Variants in CSMD1 observed in about 807,000 individuals in gnomAD.
CSMD1 encodes the protein CUB and sushi domain-containing protein 1.
In CSMD1, 213 loss-of-function variants were observed where a neutral mutation model predicts 417.5. The observed-to-expected ratio is 0.51, with a 90% CI of 0.46 to 0.57. The LOEUF (loss-of-function observed/expected upper bound fraction) is 0.57, where lower values mean the gene tolerates loss of function less well. Ranked by LOEUF, CSMD1 falls within the 20% of genes least tolerant of loss-of-function variation. The pLI, the probability that CSMD1 is intolerant of heterozygous loss-of-function variation, is 0.00. For synonymous variants in CSMD1, 2,862 were observed against 1,736.8 expected (o/e 1.65, Z -16.11); for missense variants, 6,923 against 4,529.7 (o/e 1.53, Z -15.17).
chr8:3,925,799 G>C (rs900366766), intron 5 of CSMD1, among the ~76,000 whole-genome samples: 12 of 152,018 alleles, frequency 7.9e-5, no homozygotes, highest in Non-Finnish European at 1.5e-4. Context: ...TTTTGGGTAT[G>C]TCTTTATCAG....
intron 2 of CSMD1, among the ~76,000 whole-genome samples, chr8:4,563,530 A>T (rs1263388600): frequency 3.3e-5 from 5 of 152,134 alleles, no homozygotes; most frequent in African/African-American, 9.7e-5. Context: ...CCACGCACTG[A>T]TACTCCTCAC....
intron 25 of CSMD1, among the ~76,000 whole-genome samples, chr8:3,286,471 C>T (rs1177371972): frequency 3.9e-5 from 6 of 152,194 alleles, no homozygotes; most frequent in South Asian, 2.1e-4. Flanking sequence ...TATTTCTCCA[C>T]ATCCTCTCCA....
chr8:3,807,908 A>G (rs1004168190), intron 5 of CSMD1, among the ~76,000 whole-genome samples: 2 of 152,206 alleles, frequency 1.3e-5, no homozygotes, highest in South Asian at 2.1e-4. Context: ...AAGTAATCAC[A>G]TAGAAAAAAT....
At chr8:3,899,974 T>C (rs989364706) in intron 5 of CSMD1, among the ~76,000 whole-genome samples, 11 of 152,252 alleles carry the variant, frequency 7.2e-5, no homozygotes, top group Admixed American at 7.2e-4. Flanking sequence ...TCCACTGGGC[T>C]TGTTGAGCTG....
At position 4,703,611 on chromosome 8, in the gene CSMD1, A is replaced by C. The variant is rs1278749187; in HGVS notation, c.86-66053T>G. ...CACTTTGGTGTTAAGGAAATATTTC[A>C]ATTTTTCCCAAACTGGGGATTTCTA... On this transcript the variant is annotated intron_variant, in intron 1 of 69. Coordinates refer to ENST00000635120, the MANE Select transcript of CSMD1 (RefSeq NM_033225.6). 2.6e-5 allele frequency among the ~76,000 whole-genome samples: 4 copies of C among 152,202 alleles called. No individual in the cohort carries two copies. In the East Asian group the frequency reaches 5.8e-4, roughly 22 times the overall value.
chr8:3,941,511 T>A (rs969671626), intron 5 of CSMD1, among the ~76,000 whole-genome samples: 4 of 152,338 alleles, frequency 2.6e-5, no homozygotes, highest in South Asian at 2.1e-4. Context: ...GAGCTTTGAT[T>A]TAAATGTGCT....
chr8:4,439,147 G>A (rs1385929138), intron 2 of CSMD1, among the ~76,000 whole-genome samples: 2 of 152,062 alleles, frequency 1.3e-5, no homozygotes, highest in African/African-American at 4.8e-5. Context: ...CCTTGTTACT[G>A]CTGTGGTAAA....
intron 1 of CSMD1, among the ~76,000 whole-genome samples, chr8:4,716,621 C>G (rs1049189685): frequency 2.0e-5 from 3 of 152,174 alleles, no homozygotes; most frequent in African/African-American, 7.2e-5. Flanking sequence ...TGGATTAACA[C>G]AGGTCTCCCG....
At chr8:3,653,756 C>A (rs1384196) in intron 7 of CSMD1, among the ~76,000 whole-genome samples, 2,395 of 152,190 alleles carry the variant, frequency 0.016, 64 homozygotes, top group East Asian at 0.094. Flanking sequence ...ATGGCTGTTA[C>A]ACAGTGGGTC....
intron 50 of CSMD1, among the ~76,000 whole-genome samples, chr8:3,034,549 A>C (rs1370031268): frequency 6.6e-6 from 1 of 152,212 alleles, no homozygotes; most frequent in East Asian, 1.9e-4. Flanking sequence ...AAAACACATA[A>C]ATATATGTAC....
intron 7 of CSMD1, among the ~76,000 whole-genome samples, chr8:3,642,307 G>C (rs1345100968): frequency 6.6e-6 from 1 of 152,270 alleles, no homozygotes; most frequent in African/African-American, 2.4e-5. Flanking sequence ...ATCAGAAAGA[G>C]TGAAAAGAAC....
At chr8:4,673,664 C>A (rs959557714) in intron 1 of CSMD1, among the ~76,000 whole-genome samples, 1 of 152,178 alleles carries the variant, frequency 6.6e-6, no homozygotes, top group African/African-American at 2.4e-5. Context: ...TACATCAACT[C>A]TGCTAATGCT....
chr8:4,913,704 T>C (rs1052404209), intron 1 of CSMD1, among the ~76,000 whole-genome samples: 3 of 152,170 alleles, frequency 2.0e-5, no homozygotes, highest in Admixed American at 2.0e-4. Context: ...TGACTACAAT[T>C]AATCTTAGGA....
At chr8:3,833,922 T>C (rs1223992868) in intron 5 of CSMD1, among the ~76,000 whole-genome samples, 1 of 152,170 alleles carries the variant, frequency 6.6e-6, no homozygotes, top group Non-Finnish European at 1.5e-5. Context: ...ATATCAAATT[T>C]ATGTATTATT....
At chr8:4,301,144 G>T (rs978252629) in intron 3 of CSMD1, among the ~76,000 whole-genome samples, 1 of 152,132 alleles carries the variant, frequency 6.6e-6, no homozygotes, top group Non-Finnish European at 1.5e-5. Flanking sequence ...GAATGAGCAG[G>T]AGCATTGTTG....
intron 8 of CSMD1, among the ~76,000 whole-genome samples, chr8:3,611,288 T>C (rs774739733): frequency 1.3e-5 from 2 of 151,390 alleles, no homozygotes; most frequent in African/African-American, 4.9e-5. Flanking sequence ...GCAGGGAAAA[T>C]GATTGTTTTA....
At position 2,955,829 on chromosome 8, in the gene CSMD1, G is replaced by C. The variant is rs970845660; in HGVS notation, c.9815-61C>G. ...ATTGTAAAGTTAGCACATGTGTCTA[G>C]AGAAATTAATAGATTAAAATAGTTT... is the stretch of plus-strand genomic sequence containing the variant. On this transcript the variant is annotated intron_variant, in intron 63 of 69. Transcript: ENST00000635120. 1.0e-5 allele frequency: 15 copies of C among 1,477,548 alleles called. No homozygotes were observed. In the Admixed American group the frequency reaches 1.7e-4, roughly 16 times the overall value. The allele number at this position is 1,477,548 out of a possible 1,614,324, so 91.5% of individuals were successfully genotyped here. A position where few individuals can be genotyped will look rare whatever the true frequency, so the allele number is the denominator to read the frequency against.
intron 7 of CSMD1, among the ~76,000 whole-genome samples, chr8:3,706,098 C>T (rs1486292766): frequency 1.3e-5 from 2 of 152,228 alleles, no homozygotes; most frequent in Non-Finnish European, 2.9e-5. Context: ...CCTGTGCCTA[C>T]CTCCCCTACC....
At chr8:4,873,225 G>T (rs905620596) in intron 1 of CSMD1, among the ~76,000 whole-genome samples, 13 of 152,080 alleles carry the variant, frequency 8.5e-5, no homozygotes, top group African/African-American at 3.1e-4. Flanking sequence ...GGGTTTGGTG[G>T]TGGGAATTTT....
Sources: allele counts gnomAD v4.1 joint callset (sites outside exome capture counted in the v4.1 genomes callset), GRCh38; gene constraint gnomAD v4.1.1; transcripts MANE v1.5; gene names NCBI Gene and HGNC (gene_info 2026-07-23, HGNC 2026-07-21).